C12orf50: variants seen among roughly 807,000 people sequenced by gnomAD.
C12orf50 encodes zinc finger CCCH-type containing 11D, also known as uncharacterized protein C12orf50.
A neutral mutation model predicts 61.6 loss-of-function variants in C12orf50; 35 were observed. The observed-to-expected ratio is 0.57, with a 90% CI of 0.43 to 0.75. The LOEUF (loss-of-function observed/expected upper bound fraction) is 0.75. Among genes scored for constraint, C12orf50 ranks in the 30% least tolerant of loss-of-function variants. The pLI is 0.00. For synonymous variants in C12orf50, 178 were observed against 161.5 expected (o/e 1.10, Z -0.77); for missense variants, 475 against 488.5 (o/e 0.97, Z 0.26).
intron 3 of C12orf50, among the ~76,000 whole-genome samples, chr12:88,016,447 A>G (rs912903234): frequency 1.3e-5 from 2 of 152,220 alleles, no homozygotes; most frequent in Non-Finnish European, 2.9e-5. Flanking sequence ...GAAATATCAT[A>G]GGAAATATTA....
At chr12:88,010,135 A>G (rs759061922) in intron 3 of C12orf50, among the ~76,000 whole-genome samples, 2 of 151,988 alleles carry the variant, frequency 1.3e-5, no homozygotes, top group African/African-American at 4.8e-5. Context: ...GTGTCCATCT[A>G]TGGAAAGGTC....
At chr12:88,014,477 T>C (rs1027303984) in intron 3 of C12orf50, among the ~76,000 whole-genome samples, 8 of 152,080 alleles carry the variant, frequency 5.3e-5, no homozygotes, top group African/African-American at 1.9e-4. Flanking sequence ...AATTTTTGTA[T>C]TTTTAGTAGA....
chr12:87,986,067 T>C lies in C12orf50; in HGVS notation c.923-14A>G. ...GGGCCTGTACTGCTGTAAAGAAAGGTGGGAGGGAGTGAGGAATAAAACAGG... is the reference window on the plus strand; with the variant it reads ...GGGCCTGTACTGCTGTAAAGAAAGGCGGGAGGGAGTGAGGAATAAAACAGG... On this transcript the variant is annotated splice_polypyrimidine_tract_variant and intron_variant, in intron 10 of 12. Transcript: ENST00000298699. 1.2e-6 allele frequency: 2 copies of C among 1,610,626 alleles called. No homozygotes were observed. The highest frequency in any genetic ancestry group is 8.5e-7 in the Non-Finnish European group (1 of 1,177,136).
chr12:87,993,532 T>C (rs1361230998), intron 7 of C12orf50, among the ~76,000 whole-genome samples: 1 of 151,862 alleles, frequency 6.6e-6, no homozygotes, highest in East Asian at 1.9e-4. Flanking sequence ...CTGCTGCAGA[T>C]GTAAGAAAGG....
chr12:87,986,186 T>C (rs1380315566), intron 10 of C12orf50, 126 bp downstream of exon 10: 1 of 1,247,134 alleles, frequency 8.0e-7, no homozygotes, highest in African/African-American at 1.5e-5. Flanking sequence ...TTTAGAGAAG[T>C]TGAGTTGACC....
At chr12:87,995,831 C>T (rs779346514) in intron 6 of C12orf50, among the ~76,000 whole-genome samples, 25 of 152,140 alleles carry the variant, frequency 1.6e-4, no homozygotes, top group Non-Finnish European at 3.2e-4. Flanking sequence ...AACAGACTTG[C>T]ACAACATATT....
At chr12:88,012,227 A>C (rs997972265) in intron 3 of C12orf50, among the ~76,000 whole-genome samples, 3 of 152,224 alleles carry the variant, frequency 2.0e-5, no homozygotes, top group African/African-American at 7.2e-5. Context: ...GGCATTTCAT[A>C]CATGAACATC....
chr12:88,019,149 C>T (rs2032421245), intron 3 of C12orf50, among the ~76,000 whole-genome samples: 1 of 152,004 alleles, frequency 6.6e-6, no homozygotes, highest in African/African-American at 2.4e-5. Context: ...CCCACAATTC[C>T]CATATGTTGT....
intron 7 of C12orf50, among the ~76,000 whole-genome samples, chr12:87,991,354 G>T (rs777481696): frequency 2.0e-5 from 3 of 152,032 alleles, no homozygotes; most frequent in Non-Finnish European, 4.4e-5. Context: ...ATATCCAAGC[G>T]TAATCAAACA....
At chr12:88,020,318 C>T (rs952172919) in intron 3 of C12orf50, among the ~76,000 whole-genome samples, 2 of 152,128 alleles carry the variant, frequency 1.3e-5, no homozygotes, top group Non-Finnish European at 2.9e-5. Flanking sequence ...TACAATGATA[C>T]CCATAGGCTC....
chr12:88,007,347 TC>T (rs145203971), intron 3 of C12orf50, among the ~76,000 whole-genome samples: 5,334 of 152,284 alleles, frequency 0.035, 318 homozygotes, highest in African/African-American at 0.12. Flanking sequence ...AACAACCTGC[TC>T]GTTCTGAATA....
intron 3 of C12orf50, among the ~76,000 whole-genome samples, chr12:88,018,895 T>C (rs1002989449): frequency 2.0e-5 from 3 of 152,238 alleles, no homozygotes; most frequent in Non-Finnish European, 2.9e-5. Flanking sequence ...CCCCATTGTA[T>C]GTAGGAAGTA....
intron 4 of C12orf50, among the ~76,000 whole-genome samples, chr12:87,997,407 T>C (rs1408912049): frequency 1.3e-5 from 2 of 152,066 alleles, no homozygotes; most frequent in East Asian, 1.9e-4. Context: ...TCTATATATA[T>C]ACATTTATAT....
chr12:88,002,748 A>G (rs140616717), intron 3 of C12orf50, among the ~76,000 whole-genome samples: 2 of 151,726 alleles, frequency 1.3e-5, no homozygotes, highest in African/African-American at 4.8e-5. Context: ...TTTGTTTTCT[A>G]TATGTTTCAT....
intron 3 of C12orf50, among the ~76,000 whole-genome samples, chr12:88,017,635 T>C (rs910321398): frequency 1.4e-4 from 21 of 151,952 alleles, no homozygotes; most frequent in Middle Eastern, 6.8e-3. Context: ...CACAGAAAAA[T>C]GTGGGAAAGT....
intron 3 of C12orf50, among the ~76,000 whole-genome samples, chr12:88,000,625 A>G (rs993596312): frequency 5.3e-5 from 8 of 152,022 alleles, no homozygotes; most frequent in Non-Finnish European, 7.4e-5. Context: ...CTGTGGATCA[A>G]TTTGGAGAAT....
chr12:88,009,806 G>T (rs185817592), intron 3 of C12orf50, among the ~76,000 whole-genome samples: 2 of 152,150 alleles, frequency 1.3e-5, no homozygotes, highest in East Asian at 3.9e-4. Flanking sequence ...ATCTTATTTG[G>T]TGGTTTATCT....
At chr12:87,984,228 G>C (rs542967179) in intron 11 of C12orf50, 1 of 152,162 alleles carries the variant, frequency 6.6e-6, no homozygotes, top group South Asian at 2.1e-4. Flanking sequence ...CCCACTTTTT[G>C]ATGGGGTTGT....
At position 88,026,623 on chromosome 12, in the gene C12orf50, A is replaced by G. The variant is rs202072928; in HGVS notation, c.13-15T>C. Reference sequence around the variant, plus strand: ...CTGCAGTTTTGCTAGATAAAAGGAGATTGGGGGAAATGTAATGATTAGATG... The same window carrying G: ...CTGCAGTTTTGCTAGATAAAAGGAGGTTGGGGGAAATGTAATGATTAGATG... On this transcript the variant is annotated splice_polypyrimidine_tract_variant and intron_variant, in intron 2 of 12. Coordinates refer to ENST00000298699, the MANE Select transcript of C12orf50 (RefSeq NM_152589.3). 18 of 1,611,306 alleles carry G rather than the reference A, an allele frequency of 1.1e-5. No homozygotes were observed. The highest frequency in any genetic ancestry group is 1.5e-5 in the Non-Finnish European group (18 of 1,179,720).
Sources: allele counts gnomAD v4.1 joint callset (sites outside exome capture counted in the v4.1 genomes callset), GRCh38; gene constraint gnomAD v4.1.1; transcripts MANE v1.5; gene names NCBI Gene and HGNC (gene_info 2026-07-23, HGNC 2026-07-21).